The following PACRG variants were observed in gnomAD, a reference collection of about 807,000 sequenced individuals.
PACRG encodes the protein parkin coregulated.
Under a neutral mutation model 29.7 loss-of-function variants are expected in PACRG, and 29 were observed. The ratio of observed to expected loss-of-function variants is 0.98; its 90% CI spans 0.73 to 1.33. The LOEUF is 1.33. PACRG is among the 40% of genes most tolerant of loss of function. The pLI, the probability that PACRG is intolerant of heterozygous loss-of-function variation, is 0.00. For missense variants in PACRG, 279 were observed against 316.2 expected (o/e 0.88, Z 0.89); for synonymous variants, 116 against 118.7 (o/e 0.98, Z 0.15).
At chr6:163,276,922 C>CTA (rs1562354151) in intron 4 of PACRG, among the ~76,000 whole-genome samples, 1 of 152,178 alleles carries the variant, frequency 6.6e-6, no homozygotes. Flanking sequence ...TTCAAACTGA[C>CTA]TAAACAACAG....
At chr6:162,814,800 G>C (rs532350401) in intron 2 of PACRG, among the ~76,000 whole-genome samples, 1 of 152,340 alleles carries the variant, frequency 6.6e-6, no homozygotes, top group South Asian at 2.1e-4. Context: ...CGCGATGGCT[G>C]TCACACGTGC....
chr6:163,047,565 A>G lies in PACRG; in HGVS notation c.292-14585A>G, dbSNP rs574985223. 2.0e-5 allele frequency among the ~76,000 whole-genome samples: 3 copies of G among 152,342 alleles called. No individual in the cohort carries two copies. The South Asian group carries it at 6.2e-4, about 32-fold the overall frequency. On this transcript the variant is annotated intron_variant, in intron 2 of 4. Coordinates refer to ENST00000366888, the MANE Select transcript of PACRG (RefSeq NM_001080379.2). ...CCTGGATAATAAAGGTTAAGTGTGC[A>G]TAAATTTGAGATCTGCTTACAACTG...
chr6:162,931,316 A>G (rs1478426498), intron 2 of PACRG, among the ~76,000 whole-genome samples: 1 of 151,830 alleles, frequency 6.6e-6, no homozygotes, highest in Non-Finnish European at 1.5e-5. Context: ...AGATATTTTT[A>G]AAATGTTTAC....
intron 2 of PACRG, among the ~76,000 whole-genome samples, chr6:163,049,895 T>C (rs1173801747): frequency 8.5e-5 from 13 of 152,104 alleles, no homozygotes; most frequent in Admixed American, 1.3e-4. Context: ...AAATGACCAA[T>C]ATGTATACCC....
At chr6:162,772,327 T>C (rs1346075921) in intron 1 of PACRG, among the ~76,000 whole-genome samples, 1 of 152,162 alleles carries the variant, frequency 6.6e-6, no homozygotes, top group Non-Finnish European at 1.5e-5. Context: ...GGGGTGTAAC[T>C]GAGGCAATAA....
chr6:163,062,783 C>G (rs1242225586), intron 3 of PACRG, among the ~76,000 whole-genome samples: 1 of 152,148 alleles, frequency 6.6e-6, no homozygotes, highest in African/African-American at 2.4e-5. Context: ...ATACCTGAAA[C>G]TTTTAATCTA....
At chr6:163,197,633 T>C (rs1585324234) in intron 4 of PACRG, among the ~76,000 whole-genome samples, 1 of 151,698 alleles carries the variant, frequency 6.6e-6, no homozygotes, top group South Asian at 2.1e-4. Context: ...GTGTTTTTAG[T>C]AGAGACGGGG....
At chr6:163,301,399 A>G (rs929583295) in intron 4 of PACRG, among the ~76,000 whole-genome samples, 9 of 152,248 alleles carry the variant, frequency 5.9e-5, no homozygotes, top group African/African-American at 1.9e-4. Context: ...AGCTTAAGCT[A>G]TAAATTGTTT....
chr6:162,945,064 C>A (rs1057018302), intron 2 of PACRG, among the ~76,000 whole-genome samples: 18 of 151,678 alleles, frequency 1.2e-4, no homozygotes, highest in African/African-American at 3.4e-4. Context: ...CAGAAAGCCA[C>A]CAAACAACAA....
intron 1 of PACRG, among the ~76,000 whole-genome samples, chr6:162,745,615 A>G (rs927175535): frequency 6.6e-6 from 1 of 152,236 alleles, no homozygotes; most frequent in Non-Finnish European, 1.5e-5. Flanking sequence ...ACTTGACCAG[A>G]CAGTGGTCTT....
chr6:163,216,231 C>T (rs753241847), intron 4 of PACRG, among the ~76,000 whole-genome samples: 1 of 152,060 alleles, frequency 6.6e-6, no homozygotes, highest in Non-Finnish European at 1.5e-5. Context: ...TCTGGGACAC[C>T]AGGGTGATGT....
rs528449548 is a variant in PACRG, at chr6:162,812,985, T to C, written c.157-1162T>C. On this transcript the variant is annotated intron_variant, in intron 1 of 4. Transcript: ENST00000366888. Reference sequence around the variant, plus strand: ...CTAATAAATGTGTGTTACCTCACTCTTCAACTCCACTTCAGCATTTAATCA... The same window carrying C: ...CTAATAAATGTGTGTTACCTCACTCCTCAACTCCACTTCAGCATTTAATCA... 3.9e-5 allele frequency among the ~76,000 whole-genome samples: 6 copies of C among 152,158 alleles called. 1 individual carries two copies. Among genetic ancestry groups the C allele is most frequent in the African/African-American group, 1.4e-4 (6 of 41,552 alleles).
chr6:163,195,961 C>A (rs996763717), intron 4 of PACRG, among the ~76,000 whole-genome samples: 3 of 152,184 alleles, frequency 2.0e-5, no homozygotes. Context: ...CAGCAGGGCG[C>A]AGCTCCCTCT....
intron 1 of PACRG, among the ~76,000 whole-genome samples, chr6:162,781,450 G>C (rs1460138737): frequency 2.6e-5 from 4 of 151,768 alleles, no homozygotes; most frequent in Non-Finnish European, 4.4e-5. Flanking sequence ...GAAGGGACCA[G>C]AAATGGAAAC....
chr6:162,815,554 A>C (rs565224705), intron 2 of PACRG, among the ~76,000 whole-genome samples: 3 of 151,598 alleles, frequency 2.0e-5, no homozygotes, highest in South Asian at 2.1e-4. Flanking sequence ...CCTTACTATA[A>C]AATTTTGGGG....
intron 2 of PACRG, among the ~76,000 whole-genome samples, chr6:163,012,227 G>GT (rs1439964789): frequency 1.3e-5 from 2 of 152,150 alleles, no homozygotes; most frequent in African/African-American, 2.4e-5. Context: ...AGTTAGATAT[G>GT]TTTTTTCAAT....
At chr6:162,821,597 A>G (rs1363436912) in intron 2 of PACRG, among the ~76,000 whole-genome samples, 2 of 152,156 alleles carry the variant, frequency 1.3e-5, no homozygotes, top group Non-Finnish European at 2.9e-5. Context: ...GCACCTCATG[A>G]AGAAATGTGT....
At chr6:162,999,781 A>G (rs1804415770) in intron 2 of PACRG, among the ~76,000 whole-genome samples, 1 of 152,202 alleles carries the variant, frequency 6.6e-6, no homozygotes, top group Admixed American at 6.5e-5. Flanking sequence ...AGCCTTTCAA[A>G]ATTTCCGAGT....
chr6:162,782,035 A>C (rs1016156478), intron 1 of PACRG, among the ~76,000 whole-genome samples: 1 of 151,902 alleles, frequency 6.6e-6, no homozygotes, highest in Non-Finnish European at 1.5e-5. Context: ...CACATCAACT[A>C]TAAAGGCGCA....
Sources: allele counts gnomAD v4.1 joint callset (sites outside exome capture counted in the v4.1 genomes callset), GRCh38; gene constraint gnomAD v4.1.1; transcripts MANE v1.5; gene names NCBI Gene and HGNC (gene_info 2026-07-23, HGNC 2026-07-21).